Variants in DMD observed in about 807,000 individuals in gnomAD.
The protein encoded by DMD is mutant dystrophin.
A neutral mutation model predicts 330.1 loss-of-function variants in DMD; 63 were observed. The ratio of observed to expected loss-of-function variants is 0.19; its 90% confidence interval spans 0.16 to 0.24. The LOEUF (loss-of-function observed/expected upper bound fraction) is 0.24. Among genes scored for constraint, DMD ranks in the 10% least tolerant of loss-of-function variants. The probability of loss-of-function intolerance (pLI) is 1.00; values close to 1 mark genes in which losing one functional copy is unlikely to be tolerated. For missense variants in DMD, 3,344 were observed against 2,684.1 expected (o/e 1.25, Z -5.43); for synonymous variants, 1,223 against 959.8 (o/e 1.27, Z -5.07).
chrX:31,967,297 GGT>G (rs746437287), intron 45 of DMD, among the ~76,000 whole-genome samples: 10,226 of 74,207 alleles, frequency 0.14, 751 homozygotes, highest in East Asian at 0.22. Flanking sequence ...TTTGGCAAGG[GGT>G]GTGTGTGTGT....
At chrX:31,426,142 A>C (rs375963319) in intron 60 of DMD, among the ~76,000 whole-genome samples, 25 of 107,689 alleles carry the variant, frequency 2.3e-4, no homozygotes, top group East Asian at 2.1e-3. Flanking sequence ...ATTATTTCTA[A>C]TGTGTCTATT....
chrX:32,672,880 T>C (rs2061718436), intron 9 of DMD, among the ~76,000 whole-genome samples: 1 of 110,541 alleles, frequency 9.0e-6, no homozygotes. Context: ...GATGACAATG[T>C]GAATATTTGG....
chrX:33,056,480 C>A (rs1055875978), intron 1 of DMD, among the ~76,000 whole-genome samples: 1 of 110,626 alleles, frequency 9.0e-6, no homozygotes, highest in African/African-American at 3.3e-5. Flanking sequence ...CCTGCCTCAG[C>A]CTCCCAAGTA....
At chrX:32,268,422 C>A (rs769557083) in intron 43 of DMD, among the ~76,000 whole-genome samples, 27 of 111,882 alleles carry the variant, frequency 2.4e-4, no homozygotes, top group Non-Finnish European at 4.5e-4. Flanking sequence ...AGCTCCTGCA[C>A]CTTGTCTAAG....
chrX:33,090,735 T>C (rs1031411289), intron 1 of DMD, among the ~76,000 whole-genome samples: 5 of 110,875 alleles, frequency 4.5e-5, no homozygotes, highest in Admixed American at 2.9e-4. Flanking sequence ...ACATATACTG[T>C]AGGTAGCTTT....
At chrX:33,112,407 G>A (rs972133224) in intron 1 of DMD, among the ~76,000 whole-genome samples, 54 of 111,701 alleles carry the variant, frequency 4.8e-4, no homozygotes, top group Non-Finnish European at 8.7e-4. Context: ...GAATTAAAAT[G>A]AGTCTGTGTT....
chrX:31,412,834 C>G (rs1203055313), intron 60 of DMD, among the ~76,000 whole-genome samples: 2 of 111,868 alleles, frequency 1.8e-5, no homozygotes, highest in East Asian at 5.6e-4. Flanking sequence ...CACTTAATAA[C>G]AACTCTAACG....
chrX:31,422,044 T>TATATATATA (rs56161808), intron 60 of DMD, among the ~76,000 whole-genome samples: 7 of 76,088 alleles, frequency 9.2e-5, no homozygotes, highest in Non-Finnish European at 1.5e-4. Context: ...TATATATATA[T>TATATATATA]TTTTTTTTTT....
chrX:32,045,148 G>C (rs1342922187), intron 44 of DMD, among the ~76,000 whole-genome samples: 1 of 108,666 alleles, frequency 9.2e-6, no homozygotes, highest in African/African-American at 3.4e-5. Context: ...GCCTCCCCAG[G>C]AGCCAAGCAA....
At chrX:32,189,321 A>G (rs1319708848) in intron 44 of DMD, among the ~76,000 whole-genome samples, 1 of 107,555 alleles carries the variant, frequency 9.3e-6, no homozygotes, top group Non-Finnish European at 1.9e-5. Flanking sequence ...AAATTTGATA[A>G]TTTTTAACGT....
At chrX:32,812,876 A>C (rs1258393215) in intron 6 of DMD, among the ~76,000 whole-genome samples, 3 of 111,885 alleles carry the variant, frequency 2.7e-5, no homozygotes, top group Non-Finnish European at 5.6e-5. Context: ...TAAGTTCACT[A>C]TGCGCACTCT....
chrX:32,842,421 C>A (rs191716055), intron 4 of DMD, among the ~76,000 whole-genome samples: 63 of 112,118 alleles, frequency 5.6e-4, no homozygotes, highest in African/African-American at 1.9e-3. Context: ...AACAAAAAAA[C>A]CCACACACCC....
chrX:32,775,969 C>T (rs989985295), intron 7 of DMD, among the ~76,000 whole-genome samples: 4 of 111,812 alleles, frequency 3.6e-5, no homozygotes, highest in East Asian at 5.6e-4. Flanking sequence ...CGCATATAAC[C>T]GTATGTTTTC....
At chrX:31,893,474 T>A (rs1235145230) in intron 47 of DMD, among the ~76,000 whole-genome samples, 1 of 110,284 alleles carries the variant, frequency 9.1e-6, no homozygotes, top group Non-Finnish European at 1.9e-5. Context: ...AGGCTGCATA[T>A]CACGCAACCC....
intron 54 of DMD, among the ~76,000 whole-genome samples, chrX:31,638,369 A>C (rs1283903658): frequency 9.0e-6 from 1 of 111,257 alleles, no homozygotes; most frequent in African/African-American, 3.3e-5. Context: ...CTGTAGTTCT[A>C]CTCATGTTCT....
chrX:32,661,689 T>A (rs2060958371), intron 9 of DMD, among the ~76,000 whole-genome samples: 1 of 111,769 alleles, frequency 8.9e-6, no homozygotes, highest in African/African-American at 3.2e-5. Flanking sequence ...CCAGTCTTTT[T>A]CACCCTTAGA....
At chrX:33,096,270 G>A (rs1407541094) in intron 1 of DMD, among the ~76,000 whole-genome samples, 1 of 110,956 alleles carries the variant, frequency 9.0e-6, no homozygotes, top group African/African-American at 3.3e-5. Flanking sequence ...CACCGCGCCC[G>A]GCCTTCTTCC....
intron 12 of DMD, among the ~76,000 whole-genome samples, chrX:32,611,204 T>TA (rs34495388): frequency 0.4 from 42,212 of 105,170 alleles, 8,193 homozygotes; most frequent in African/African-American, 0.74. Flanking sequence ...TTAATTTTTA[T>TA]AAAAAAAAAA....
At chrX:32,919,112 C>A (rs1190488291) in intron 2 of DMD, among the ~76,000 whole-genome samples, 2 of 111,616 alleles carry the variant, frequency 1.8e-5, no homozygotes, top group Non-Finnish European at 3.8e-5. Flanking sequence ...AAATAGAGAA[C>A]CTTGTAGGCC....
Sources: allele counts gnomAD v4.1 joint callset (sites outside exome capture counted in the v4.1 genomes callset), GRCh38; gene constraint gnomAD v4.1.1; transcripts MANE v1.5; gene names NCBI Gene and HGNC (gene_info 2026-07-23, HGNC 2026-07-21).